P2RY8: variants seen among roughly 807,000 people sequenced by gnomAD.
P2RY8 encodes the protein P2Y receptor family member 8.
Under a neutral mutation model 10.0 loss-of-function variants are expected in P2RY8, and 6 were observed. That is an observed-to-expected ratio of 0.60 (90% CI 0.33 to 1.19). The LOEUF is 1.19. P2RY8 is among the 50% of genes most tolerant of loss of function. The pLI is 0.04. For synonymous variants in P2RY8, 276 were observed against 252.5 expected (o/e 1.09, Z -0.88); for missense variants, 456 against 542.0 (o/e 0.84, Z 1.58).
chrX:1,470,616 T>C (rs2091772374), intron 1 of P2RY8, among the ~76,000 whole-genome samples: 2 of 152,124 alleles, frequency 1.3e-5, no homozygotes, highest in African/African-American at 4.8e-5. Flanking sequence ...CCTGTCTCTG[T>C]GGATCTGCCT....
At chrX:1,497,999 G>A (rs1358779529) in intron 1 of P2RY8, among the ~76,000 whole-genome samples, 7 of 152,078 alleles carry the variant, frequency 4.6e-5, no homozygotes, top group African/African-American at 1.4e-4. Flanking sequence ...CAACAGACAC[G>A]GAGAGCATGA....
At chrX:1,475,747 C>CA (rs1469457634) in intron 1 of P2RY8, among the ~76,000 whole-genome samples, 2 of 152,178 alleles carry the variant, frequency 1.3e-5, no homozygotes, top group Non-Finnish European at 2.9e-5. Context: ...ACAAGGATCT[C>CA]AAGACTTGAA....
At chrX:1,481,261 C>T (rs1348590071) in intron 1 of P2RY8, among the ~76,000 whole-genome samples, 8 of 152,080 alleles carry the variant, frequency 5.3e-5, no homozygotes, top group Non-Finnish European at 8.8e-5. Flanking sequence ...CTCCGCCTCC[C>T]GGGTTCAAGC....
chrX:1,502,982 A>G (rs1271208633), intron 1 of P2RY8, among the ~76,000 whole-genome samples: 1 of 152,136 alleles, frequency 6.6e-6, no homozygotes, highest in East Asian at 1.9e-4. Context: ...ACCTGGAATG[A>G]GACCTTATTT....
intron 1 of P2RY8, among the ~76,000 whole-genome samples, chrX:1,526,733 C>T (rs2092442819): frequency 6.6e-6 from 1 of 152,086 alleles, no homozygotes; most frequent in Admixed American, 6.6e-5. Context: ...ATACAGCCAT[C>T]TACTCATTCA....
chrX:1,524,657 C>G (rs868406860), intron 1 of P2RY8, among the ~76,000 whole-genome samples: 1 of 90,500 alleles, frequency 1.1e-5, no homozygotes, highest in African/African-American at 4.0e-5. Flanking sequence ...ATCCATCCAT[C>G]CATCCATCCA....
chrX:1,517,445 C>T (rs1462089651), intron 1 of P2RY8, among the ~76,000 whole-genome samples: 4 of 152,184 alleles, frequency 2.6e-5, no homozygotes, highest in Admixed American at 6.5e-5. Context: ...CAACCTTGTC[C>T]GCCTCTGTGT....
chrX:1,514,744 CCCTT>C (rs1422878042), intron 1 of P2RY8, among the ~76,000 whole-genome samples: 15 of 49,962 alleles, frequency 3.0e-4, no homozygotes, highest in Admixed American at 3.9e-4. Flanking sequence ...TCCCTTCCTT[CCCTT>C]CCTTCCCTTC....
At chrX:1,505,137 C>CAAAAAAAA (rs1175803425) in intron 1 of P2RY8, among the ~76,000 whole-genome samples, 3,088 of 98,776 alleles carry the variant, frequency 0.031, 172 homozygotes, top group African/African-American at 0.1. Context: ...GACTCTGTCT[C>CAAAAAAAA]AAAAAAAAAA....
chrX:1,512,600 AAG>A (rs1446686234), intron 1 of P2RY8, among the ~76,000 whole-genome samples: 114 of 151,518 alleles, frequency 7.5e-4, no homozygotes, highest in Non-Finnish European at 1.3e-3. Flanking sequence ...TTATAAAGGA[AAG>A]AGGTTTAATG....
chrX:1,529,726 C>T (rs749590275), intron 1 of P2RY8, among the ~76,000 whole-genome samples: 4 of 152,198 alleles, frequency 2.6e-5, no homozygotes, highest in Non-Finnish European at 5.9e-5. Flanking sequence ...ATATCTAGCT[C>T]TCTGGCACCT....
At chrX:1,496,765 T>A (rs62603019) in intron 1 of P2RY8, among the ~76,000 whole-genome samples, 51,319 of 121,398 alleles carry the variant, frequency 0.42, 11,401 homozygotes, top group East Asian at 0.53. Context: ...TAGCGCGATG[T>A]CGGCTCCCTG....
intron 1 of P2RY8, among the ~76,000 whole-genome samples, chrX:1,520,916 A>G (rs1433895551): frequency 1.3e-5 from 2 of 150,200 alleles, no homozygotes; most frequent in Non-Finnish European, 3.0e-5. Context: ...TTGATCCCCA[A>G]TCATCTCCTT....
Position 1,498,085 on chromosome X carries a change from A to C in P2RY8, c.-24-31503T>G, listed in dbSNP as rs182346855. 6.2e-4 allele frequency among the ~76,000 whole-genome samples: 94 copies of C among 152,150 alleles called. No homozygotes were observed. The East Asian group carries it at 0.015, about 24-fold the overall frequency. ...CCCTGGAGACTCAAGCTGCTCCTGA[A>C]CTTTAAACAGCACCCACAGTGTCAG... On this transcript the variant is annotated intron_variant, in intron 1 of 1. Transcript: ENST00000381297.
At chrX:1,479,908 A>T (rs1230140931) in intron 1 of P2RY8, among the ~76,000 whole-genome samples, 6 of 152,222 alleles carry the variant, frequency 3.9e-5, no homozygotes, top group African/African-American at 1.2e-4. Flanking sequence ...AAAGAACAAA[A>T]GGATAAAATC....
At chrX:1,515,951 G>GC (rs1369928305) in intron 1 of P2RY8, among the ~76,000 whole-genome samples, 1 of 119,010 alleles carries the variant, frequency 8.4e-6, no homozygotes, top group Admixed American at 9.2e-5. Context: ...AGGGGTCGGG[G>GC]GGTGGTGGAT....
At chrX:1,509,618 CA>C (rs2092278446) in intron 1 of P2RY8, among the ~76,000 whole-genome samples, 1 of 140,808 alleles carries the variant, frequency 7.1e-6, no homozygotes, top group Non-Finnish European at 1.5e-5. Context: ...ATGTATCTAT[CA>C]TGTATGTATC....
intron 1 of P2RY8, among the ~76,000 whole-genome samples, chrX:1,488,132 AG>A (rs2092004751): frequency 6.6e-6 from 1 of 150,812 alleles, no homozygotes; most frequent in East Asian, 1.9e-4. Flanking sequence ...GAAGAAGAAG[AG>A]AAGTGGGTCT....
At chrX:1,475,378 C>A (rs2091863749) in intron 1 of P2RY8, among the ~76,000 whole-genome samples, 5 of 151,908 alleles carry the variant, frequency 3.3e-5, no homozygotes, top group Admixed American at 3.3e-4. Context: ...CAGAAAATCA[C>A]CAGAAGCTGC....
Sources: allele counts gnomAD v4.1 joint callset (sites outside exome capture counted in the v4.1 genomes callset), GRCh38; gene constraint gnomAD v4.1.1; transcripts MANE v1.5; gene names NCBI Gene and HGNC (gene_info 2026-07-23, HGNC 2026-07-21).